The following KCNQ5 variants were observed in gnomAD, a reference collection of about 807,000 sequenced individuals.
The protein encoded by KCNQ5 is potassium voltage-gated channel subfamily KQT member 5.
Under a neutral mutation model 98.2 loss-of-function variants are expected in KCNQ5, and 30 were observed. That is an observed-to-expected ratio of 0.31 (90% CI 0.23 to 0.41). The LOEUF (loss-of-function observed/expected upper bound fraction) is 0.41. KCNQ5 is among the 10% of genes least tolerant of loss of function. KCNQ5 has a pLI of 1.00. For missense variants in KCNQ5, 835 were observed against 1,182.5 expected (o/e 0.71, Z 4.31); for synonymous variants, 458 against 449.4 (o/e 1.02, Z -0.24).
intron 3 of KCNQ5, among the ~76,000 whole-genome samples, chr6:73,048,148 A>G (rs1219148613): frequency 2.6e-5 from 4 of 152,254 alleles, no homozygotes; most frequent in Admixed American, 2.6e-4. Flanking sequence ...AATGTCATCT[A>G]CAGATAAGCA....
intron 1 of KCNQ5, among the ~76,000 whole-genome samples, chr6:72,882,981 T>C (rs1220201822): frequency 6.6e-6 from 1 of 152,206 alleles, no homozygotes; most frequent in East Asian, 1.9e-4. Flanking sequence ...ATTTAGATAA[T>C]TTTAATGTGA....
At chr6:72,886,369 G>A (rs1778842627) in intron 1 of KCNQ5, among the ~76,000 whole-genome samples, 1 of 151,980 alleles carries the variant, frequency 6.6e-6, no homozygotes, top group South Asian at 2.1e-4. Context: ...CAACTGAAGA[G>A]AGAACTAGTA....
chr6:72,859,060 T>C (rs1162146204), intron 1 of KCNQ5, among the ~76,000 whole-genome samples: 1 of 152,204 alleles, frequency 6.6e-6, no homozygotes, highest in African/African-American at 2.4e-5. Flanking sequence ...TTCATCCTTA[T>C]TCAGATTAGA....
intron 10 of KCNQ5, among the ~76,000 whole-genome samples, chr6:73,153,904 TA>T (rs3068405): frequency 6.8e-6 from 1 of 147,630 alleles, no homozygotes. Flanking sequence ...TCAATTCCAC[TA>T]AAAAAAAAAA....
chr6:73,012,982 T>C (rs1304959094), intron 2 of KCNQ5, among the ~76,000 whole-genome samples: 2 of 152,042 alleles, frequency 1.3e-5, no homozygotes, highest in East Asian at 3.9e-4. Flanking sequence ...ATAGCAAATA[T>C]GATCATCATG....
chr6:73,145,020 T>C (rs922137494), intron 10 of KCNQ5, among the ~76,000 whole-genome samples: 1 of 152,226 alleles, frequency 6.6e-6, no homozygotes, highest in South Asian at 2.1e-4. Context: ...GTGGCCAGTA[T>C]TGCAATCTAC....
At chr6:72,664,934 G>A (rs542138136) in intron 1 of KCNQ5, among the ~76,000 whole-genome samples, 7 of 152,146 alleles carry the variant, frequency 4.6e-5, no homozygotes, top group Admixed American at 2.0e-4. Context: ...TTGAATTCCC[G>A]ATAACAAAGT....
chr6:72,941,586 C>CTTCCCTCG (rs1766300011), intron 1 of KCNQ5, among the ~76,000 whole-genome samples: 3 of 145,480 alleles, frequency 2.1e-5, no homozygotes, highest in African/African-American at 7.9e-5. Flanking sequence ...TCCCTCCCTC[C>CTTCCCTCG]CTTCCTTCCT....
intron 1 of KCNQ5, among the ~76,000 whole-genome samples, chr6:72,980,613 C>G (rs1260445035): frequency 2.0e-5 from 3 of 152,176 alleles, no homozygotes; most frequent in African/African-American, 7.2e-5. Context: ...ATCATGTCAT[C>G]TACAAACAGC....
chr6:72,920,715 ACCAG>A (rs1780354320), intron 1 of KCNQ5, among the ~76,000 whole-genome samples: 1 of 152,234 alleles, frequency 6.6e-6, no homozygotes, highest in Non-Finnish European at 1.5e-5. Context: ...CTTACTAAAT[ACCAG>A]CCAATACTTT....
chr6:73,139,152 A>G (rs1309381822), intron 10 of KCNQ5, among the ~76,000 whole-genome samples: 2 of 152,212 alleles, frequency 1.3e-5, no homozygotes, highest in South Asian at 2.1e-4. Context: ...TATAGATGCA[A>G]CACTTTCAGA....
intron 10 of KCNQ5, chr6:73,158,197 G>C (rs1209939835): frequency 3.6e-6 from 1 of 276,494 alleles, no homozygotes; most frequent in Non-Finnish European, 7.1e-6. Context: ...CACGGCGGCG[G>C]CGCCGGCCCC....
chr6:72,782,741 T>C (rs1773553861), intron 1 of KCNQ5, among the ~76,000 whole-genome samples: 1 of 152,096 alleles, frequency 6.6e-6, no homozygotes, highest in African/African-American at 2.4e-5. Flanking sequence ...TAACACCAGG[T>C]TATGATAAAA....
intron 1 of KCNQ5, among the ~76,000 whole-genome samples, chr6:72,988,607 C>T (rs1582147140): frequency 1.3e-5 from 2 of 151,510 alleles, no homozygotes. Flanking sequence ...ACATGTACCC[C>T]CTCTATCTAA....
intron 2 of KCNQ5, among the ~76,000 whole-genome samples, chr6:73,013,809 T>G (rs1770191666): frequency 6.6e-6 from 1 of 152,142 alleles, no homozygotes; most frequent in Non-Finnish European, 1.5e-5. Context: ...GTCTAAGGCT[T>G]CTTTTTGTTC....
chr6:73,164,545 G>A (rs545995755), intron 10 of KCNQ5, among the ~76,000 whole-genome samples: 1 of 152,212 alleles, frequency 6.6e-6, no homozygotes, highest in Non-Finnish European at 1.5e-5. Flanking sequence ...TGGGGTACAG[G>A]ATGTTGATGG....
At chr6:72,858,710 T>C (rs1267797217) in intron 1 of KCNQ5, among the ~76,000 whole-genome samples, 2 of 152,114 alleles carry the variant, frequency 1.3e-5, no homozygotes, top group East Asian at 3.8e-4. Flanking sequence ...TATAGCATTC[T>C]CTGTTGTCTA....
intron 1 of KCNQ5, among the ~76,000 whole-genome samples, chr6:72,724,743 A>T (rs1474820991): frequency 6.6e-6 from 1 of 152,224 alleles, no homozygotes; most frequent in Non-Finnish European, 1.5e-5. Context: ...AGCTGAATGA[A>T]GCCCACATTA....
At chr6:72,955,829 A>C (rs1246815798) in intron 1 of KCNQ5, among the ~76,000 whole-genome samples, 1 of 152,168 alleles carries the variant, frequency 6.6e-6, no homozygotes, top group Admixed American at 6.5e-5. Context: ...CAGAGGTGGG[A>C]GGAATGCTCG....
Sources: allele counts gnomAD v4.1 joint callset (sites outside exome capture counted in the v4.1 genomes callset), GRCh38; gene constraint gnomAD v4.1.1; transcripts MANE v1.5; gene names NCBI Gene and HGNC (gene_info 2026-07-23, HGNC 2026-07-21).